CPAMD8: variants seen among roughly 807,000 people sequenced by gnomAD.
The protein encoded by CPAMD8 is C3 and PZP-like alpha-2-macroglobulin domain-containing protein 8.
In CPAMD8, 146 loss-of-function variants were observed where a neutral mutation model predicts 224.7. The observed-to-expected ratio is 0.65, with a 90% CI of 0.57 to 0.75. CPAMD8 has a LOEUF of 0.75. CPAMD8 is among the 30% of genes least tolerant of loss of function. CPAMD8 has a pLI of 0.00. For synonymous variants in CPAMD8, 966 were observed against 1,044.6 expected, an observed-to-expected ratio of 0.92 and a Z score of 1.45; for missense variants, 2,301 against 2,537.5, an observed-to-expected ratio of 0.91 and a Z score of 2.00.
At chr19:17,016,643 C>G (rs2056819408) in intron 3 of CPAMD8, among the ~76,000 whole-genome samples, 1 of 152,036 alleles carries the variant, frequency 6.6e-6, no homozygotes, top group African/African-American at 2.4e-5. Context: ...GTCTGCAGTC[C>G]CAGCTACTCA....
chr19:16,904,408 G>C (rs1470754109), intron 31 of CPAMD8, 46 bp from the exon 32 acceptor site: 1 of 1,614,100 alleles, frequency 6.2e-7, no homozygotes, highest in Admixed American at 1.7e-5. Flanking sequence ...CAGGGACATG[G>C]ACCCAGTGCA....
At chr19:16,951,935 T>G in intron 20 of CPAMD8, 34 bp downstream of exon 20, 4 of 1,318,104 alleles carry the variant, frequency 3.0e-6, no homozygotes, top group Non-Finnish European at 4.3e-6. Context: ...CCCCACTGAA[T>G]GGAGGAAGGC....
chr19:16,997,386 C>A, intron 10 of CPAMD8, 48 bp from the exon 11 acceptor site: 1 of 1,107,112 alleles, frequency 9.0e-7, no homozygotes. Context: ...GTTGGAGTGT[C>A]TTTGAGGGAT....
intron 23 of CPAMD8, among the ~76,000 whole-genome samples, chr19:16,936,705 C>T (rs1342147198): frequency 6.6e-6 from 1 of 152,152 alleles, no homozygotes; most frequent in Non-Finnish European, 1.5e-5. Flanking sequence ...CCACAGTCGG[C>T]CTTGCCCACT....
intron 30 of CPAMD8, among the ~76,000 whole-genome samples, chr19:16,906,399 TTTCTTTCTTTCCTTCC>T (rs1276510707): frequency 1.9e-3 from 166 of 88,688 alleles, no homozygotes; most frequent in Non-Finnish European, 3.0e-3. Flanking sequence ...TCTTTCTTTC[TTTCTTTCTTTCCTTCC>T]TTCCTTCCTT....
At position 16,929,131 on chromosome 19, in the gene CPAMD8, C is replaced by T. The variant is rs2053468888; in HGVS notation, c.2955G>A (p.Val985=). ...TGTCCTGGGGCCCAGAAGACAAGGC[C>T]ACACGGGCATCATTGTGAGCTCGCA... ...VAVRAHNDAR[V]ALSSGPQDTA... The change falls in exon 24 of 42, where the codon GTG becomes GTA. Residue 985 remains valine (V), a synonymous_variant. Transcript: ENST00000443236. The T allele has an allele frequency of 2.5e-6, 4 of 1,614,000 alleles. No individual in the cohort carries two copies. The African/African-American group carries it at 4.0e-5, about 16-fold the overall frequency.
rs138888241 is a variant in CPAMD8, at chr19:17,014,466, A to T, written c.268-2709T>A. Among the ~76,000 whole-genome samples the T allele has an allele frequency of 1.1e-3, 163 of 152,302 alleles. 3 individuals carry two copies. The East Asian group carries it at 0.026, about 24-fold the overall frequency. ...AACAAACAAAAGTAATGCCTCCTGT[A>T]TTAGTCTGTTTTCACACTGGTGATA... On this transcript the variant is annotated intron_variant, in intron 3 of 41. Transcript: ENST00000443236.
intron 41 of CPAMD8, 110 bp from the exon 42 acceptor site, chr19:16,893,449 A>T: frequency 2.8e-6 from 2 of 721,620 alleles, no homozygotes; most frequent in South Asian, 1.9e-5. Flanking sequence ...AGGGGTGGGG[A>T]ACCCACCGGC....
At chr19:17,010,060 T>C (rs2056605209) in intron 5 of CPAMD8, among the ~76,000 whole-genome samples, 1 of 152,012 alleles carries the variant, frequency 6.6e-6, no homozygotes, top group Non-Finnish European at 1.5e-5. Flanking sequence ...AGGAACTAAT[T>C]CAAATTAAAG....
At chr19:16,984,331 AGAGAGAG>A (rs1156434811) in intron 13 of CPAMD8, among the ~76,000 whole-genome samples, 2 of 106,722 alleles carry the variant, frequency 1.9e-5, no homozygotes, top group African/African-American at 4.5e-5. Flanking sequence ...AAAAAAAAAA[AGAGAGAG>A]AGAGAGAGAG....
chr19:16,955,727 A>G (rs959916151), intron 19 of CPAMD8, among the ~76,000 whole-genome samples: 6 of 152,100 alleles, frequency 3.9e-5, no homozygotes, highest in Admixed American at 3.3e-4. Context: ...CCCAGGCTGG[A>G]GTGCAGTGGT....
At chr19:16,970,794 A>G (rs748144262) in intron 18 of CPAMD8, 97 bp downstream of exon 18, 4 of 1,168,366 alleles carry the variant, frequency 3.4e-6, no homozygotes, top group Non-Finnish European at 4.9e-6. Context: ...CACTCGGTCT[A>G]TGGTCTTCTG....
intron 2 of CPAMD8, among the ~76,000 whole-genome samples, chr19:17,021,345 CTTCTAGAAGG>C (rs1276635934): frequency 2.0e-5 from 3 of 152,174 alleles, no homozygotes; most frequent in African/African-American, 7.2e-5. Flanking sequence ...ACTAGAAGGG[CTTCTAGAAGG>C]TTCTAGAAGC....
intron 23 of CPAMD8, among the ~76,000 whole-genome samples, chr19:16,937,820 T>C (rs1007471508): frequency 6.6e-6 from 1 of 152,028 alleles, no homozygotes; most frequent in Non-Finnish European, 1.5e-5. Context: ...GACCAGCTAA[T>C]TTTTTGTATT....
At chr19:17,000,632 G>A in intron 9 of CPAMD8, 110 bp from the exon 10 acceptor site, 1 of 620,552 alleles carries the variant, frequency 1.6e-6, no homozygotes, top group Non-Finnish European at 3.0e-6. Flanking sequence ...AGTGATGGAT[G>A]CAGCTCCCTC....
intron 27 of CPAMD8, among the ~76,000 whole-genome samples, chr19:16,917,025 G>A (rs779256688): frequency 1.1e-4 from 17 of 152,142 alleles, no homozygotes; most frequent in Admixed American, 2.0e-4. Flanking sequence ...AATTCCCATG[G>A]TCTAGCATAC....
intron 13 of CPAMD8, 106 bp from the exon 14 acceptor site, chr19:16,980,792 G>T (rs2055485997): frequency 1.2e-5 from 10 of 856,484 alleles, no homozygotes; most frequent in Non-Finnish European, 1.8e-5. Flanking sequence ...ATGGCTGAGG[G>T]AGCGGAGTGC....
At chr19:16,968,045 T>A (rs997495243) in intron 18 of CPAMD8, among the ~76,000 whole-genome samples, 1 of 150,594 alleles carries the variant, frequency 6.6e-6, no homozygotes, top group African/African-American at 2.4e-5. Context: ...TGATTTACAA[T>A]TGCCTTCATG....
At chr19:16,911,631 T>G (rs1187303095) in intron 29 of CPAMD8, among the ~76,000 whole-genome samples, 1 of 152,194 alleles carries the variant, frequency 6.6e-6, no homozygotes, top group East Asian at 1.9e-4. Context: ...CGGCAAGCTC[T>G]GCCTCCCAGG....
Sources: gnomAD v4.1 joint callset for allele counts (sites outside exome capture counted in the v4.1 genomes callset) on GRCh38, gnomAD v4.1.1 for gene constraint, MANE v1.5 for transcripts, NCBI Gene and HGNC (gene_info 2026-07-23, HGNC 2026-07-21) for gene names.